The following GABRG3 variants were observed in gnomAD, a reference collection of about 807,000 sequenced individuals.
The protein encoded by GABRG3 is gamma-aminobutyric acid type A receptor subunit gamma3, also known as gamma-aminobutyric acid receptor subunit gamma-3.
Under a neutral mutation model 48.8 loss-of-function variants are expected in GABRG3, and 25 were observed. The observed-to-expected ratio is 0.51, with a 90% CI of 0.37 to 0.72. The LOEUF is 0.72. Among genes scored for constraint, GABRG3 ranks in the 30% least tolerant of loss-of-function variants. The probability of loss-of-function intolerance (pLI) is 0.00; values close to 1 mark genes in which losing one functional copy is unlikely to be tolerated. For missense variants in GABRG3, 394 were observed against 577.9 expected (o/e 0.68, Z 3.26); for synonymous variants, 227 against 217.6 (o/e 1.04, Z -0.38).
chr15:27,153,219 A>G (rs1259368061), intron 3 of GABRG3, among the ~76,000 whole-genome samples: 1 of 152,262 alleles, frequency 6.6e-6, no homozygotes, highest in East Asian at 1.9e-4. Context: ...TTTGCTTATG[A>G]ATATCTCATT....
At position 27,002,044 on chromosome 15, in the gene GABRG3, C is replaced by A. The variant is rs548967207; in HGVS notation, c.203-24710C>A. On this transcript the variant is annotated intron_variant, in intron 2 of 9. Coordinates refer to ENST00000615808, the MANE Select transcript of GABRG3 (RefSeq NM_033223.5). ...CATAGGAAACCATTTTTACCTGAGT[C>A]AACCACAACAGTGAGAAGCTTCAAC... 2.6e-5 allele frequency among the ~76,000 whole-genome samples: 4 copies of A among 152,260 alleles called. No individual in the cohort carries two copies. In the East Asian group the frequency reaches 7.7e-4, roughly 29 times the overall value.
At chr15:27,379,677 T>C (rs1354403222) in intron 5 of GABRG3, among the ~76,000 whole-genome samples, 1 of 152,182 alleles carries the variant, frequency 6.6e-6, no homozygotes, top group East Asian at 1.9e-4. Flanking sequence ...AAGGGTAGTT[T>C]TCCTGGATGC....
intron 3 of GABRG3, among the ~76,000 whole-genome samples, chr15:27,320,153 G>T (rs1048280778): frequency 1.3e-5 from 2 of 152,194 alleles, no homozygotes; most frequent in East Asian, 3.9e-4. Context: ...CTTGGGGAAG[G>T]TCGTAGCTGT....
At chr15:27,445,950 G>T (rs1465110975) in intron 5 of GABRG3, among the ~76,000 whole-genome samples, 1 of 151,914 alleles carries the variant, frequency 6.6e-6, no homozygotes, top group Non-Finnish European at 1.5e-5. Context: ...GAACTAATTG[G>T]CTGTAAATAA....
At position 27,228,799 on chromosome 15, in the gene GABRG3, C is replaced by T. The variant is rs567708130; in HGVS notation, c.271-98010C>T. Reference sequence around the variant, plus strand: ...GGTATCTCATTGTGGTTTTGATTTGCGTTTGTCTAATAATCAGTGATGATG... The same window carrying T: ...GGTATCTCATTGTGGTTTTGATTTGTGTTTGTCTAATAATCAGTGATGATG... On this transcript the variant is annotated intron_variant, in intron 3 of 9. Transcript: ENST00000615808. 5.9e-5 allele frequency among the ~76,000 whole-genome samples: 9 copies of T among 152,164 alleles called. No homozygotes were observed. The East Asian group carries it at 1.7e-3, about 29-fold the overall frequency.
chr15:27,161,318 C>T (rs62002623), intron 3 of GABRG3: 1 of 152,118 alleles, frequency 6.6e-6, no homozygotes, highest in African/African-American at 2.4e-5. Flanking sequence ...CATTGTTACA[C>T]TGTAGGCATT....
intron 5 of GABRG3, among the ~76,000 whole-genome samples, chr15:27,414,532 C>T (rs924103871): frequency 6.6e-6 from 1 of 152,134 alleles, no homozygotes; most frequent in African/African-American, 2.4e-5. Flanking sequence ...ATGAAACAAG[C>T]ATTTACAGAT....
At chr15:27,266,157 G>C (rs1890914800) in intron 3 of GABRG3, among the ~76,000 whole-genome samples, 1 of 151,262 alleles carries the variant, frequency 6.6e-6, no homozygotes, top group South Asian at 2.1e-4. Flanking sequence ...TGGGATTACA[G>C]GCGTGAGCCA....
intron 3 of GABRG3, among the ~76,000 whole-genome samples, chr15:27,107,149 A>G (rs149521952): frequency 6.6e-6 from 1 of 152,150 alleles, no homozygotes; most frequent in Admixed American, 6.5e-5. Flanking sequence ...TCTTAGGGGA[A>G]AAGATTTCAG....
intron 3 of GABRG3, among the ~76,000 whole-genome samples, chr15:27,059,244 C>G (rs954547067): frequency 4.6e-5 from 7 of 152,220 alleles, no homozygotes; most frequent in Non-Finnish European, 8.8e-5. Flanking sequence ...CCCTACTGCT[C>G]TCTACATTTC....
intron 2 of GABRG3, among the ~76,000 whole-genome samples, chr15:27,002,695 G>C (rs1360224642): frequency 1.4e-5 from 2 of 144,780 alleles, no homozygotes; most frequent in African/African-American, 5.2e-5. Flanking sequence ...GATTGCTTAA[G>C]GCCAGGAGTT....
At chr15:27,097,447 T>A (rs1476385590) in intron 3 of GABRG3, among the ~76,000 whole-genome samples, 1 of 152,120 alleles carries the variant, frequency 6.6e-6, no homozygotes, top group Non-Finnish European at 1.5e-5. Context: ...TATTCAGTTA[T>A]TTTTACCTTC....
chr15:27,059,676 C>T (rs1311529242), intron 3 of GABRG3, among the ~76,000 whole-genome samples: 1 of 152,170 alleles, frequency 6.6e-6, no homozygotes, highest in Non-Finnish European at 1.5e-5. Context: ...AGACTGTGGT[C>T]CTGAGATGGC....
chr15:27,236,958 G>A lies in GABRG3; in HGVS notation c.271-89851G>A, dbSNP rs1446397441. Among the ~76,000 whole-genome samples the A allele has an allele frequency of 6.6e-6, 1 of 152,202 alleles. No homozygotes were observed. Among genetic ancestry groups the A allele is most frequent in the African/African-American group, 2.4e-5 (1 of 41,454 alleles). On this transcript the variant is annotated intron_variant, in intron 3 of 9. Coordinates refer to ENST00000615808, the MANE Select transcript of GABRG3 (RefSeq NM_033223.5). This position sits in a 1 kb window ranked among gnomAD's most constrained non-coding sequence, Gnocchi z 4.4. ...GGACTTGCTCTGGGCTTGTGCTGGA[G>A]GTTATGCTTCCCAGCCTGCAGGACG...
At chr15:27,000,762 G>A (rs1429851473) in intron 2 of GABRG3, among the ~76,000 whole-genome samples, 1 of 152,104 alleles carries the variant, frequency 6.6e-6, no homozygotes, top group Non-Finnish European at 1.5e-5. Flanking sequence ...CATGCTTCCA[G>A]TACAGCCTGC....
rs1156375053 is a variant in GABRG3, at chr15:27,416,950, A to T, written c.575-63700A>T. Among the ~76,000 whole-genome samples the T allele has an allele frequency of 2.6e-5, 4 of 152,246 alleles. No homozygotes were observed. In the East Asian group the frequency reaches 7.7e-4, roughly 29 times the overall value. On this transcript the variant is annotated intron_variant, in intron 5 of 9. Transcript: ENST00000615808. ...ATATCCAAAGCTGCTAATCACAAAG[A>T]ATCATTGGAAATGACTTAAATGTTC...
intron 3 of GABRG3, among the ~76,000 whole-genome samples, chr15:27,174,685 A>G (rs1887689916): frequency 6.6e-6 from 1 of 151,800 alleles, no homozygotes. Context: ...CATTTTAATC[A>G]GATACCATCA....
At chr15:27,225,434 G>T (rs2140443523) in intron 3 of GABRG3, among the ~76,000 whole-genome samples, 1 of 152,202 alleles carries the variant, frequency 6.6e-6, no homozygotes, top group South Asian at 2.1e-4. Context: ...ACTTACAAGG[G>T]TGGGCTGCCG....
intron 5 of GABRG3, among the ~76,000 whole-genome samples, chr15:27,438,517 T>C (rs909110263): frequency 1.3e-5 from 2 of 152,298 alleles, no homozygotes; most frequent in African/African-American, 4.8e-5. Flanking sequence ...TCTGGAACAG[T>C]CACCCCACAT....
Sources: allele counts gnomAD v4.1 joint callset (sites outside exome capture counted in the v4.1 genomes callset), GRCh38; gene constraint gnomAD v4.1.1; non-coding constraint Gnocchi (gnomAD v3.1); transcripts MANE v1.5; gene names NCBI Gene and HGNC (gene_info 2026-07-23, HGNC 2026-07-21).